FMNL2: variants seen among roughly 807,000 people sequenced by gnomAD.
FMNL2 encodes formin-like protein 2.
In FMNL2, 51 loss-of-function variants were observed where a neutral mutation model predicts 130.2. That is an observed-to-expected ratio of 0.39 (90% CI 0.31 to 0.49). The LOEUF (loss-of-function observed/expected upper bound fraction) is 0.49. Ranked by LOEUF, FMNL2 falls within the 20% of genes least tolerant of loss-of-function variation. The pLI is 0.85. For missense variants in FMNL2, 977 were observed against 1,316.2 expected (o/e 0.74, Z 3.99); for synonymous variants, 465 against 467.1 (o/e 1.00, Z 0.06).
chr2:152,382,455 G>A (rs1296925528), intron 1 of FMNL2, among the ~76,000 whole-genome samples: 1 of 152,168 alleles, frequency 6.6e-6, no homozygotes, highest in Non-Finnish European at 1.5e-5. Flanking sequence ...CTAATTTTCA[G>A]TGCTTCCTGG....
At chr2:152,344,497 A>C (rs1435669105) in intron 1 of FMNL2, among the ~76,000 whole-genome samples, 3 of 152,214 alleles carry the variant, frequency 2.0e-5, no homozygotes, top group Non-Finnish European at 4.4e-5. Context: ...TATTTGATTC[A>C]ACTAAAAGCA....
intron 2 of FMNL2, among the ~76,000 whole-genome samples, chr2:152,531,567 C>A (rs1217237624): frequency 6.6e-6 from 1 of 152,012 alleles, no homozygotes; most frequent in Non-Finnish European, 1.5e-5. Flanking sequence ...CTCCCCCTCC[C>A]AGGTTCAAGT....
At chr2:152,552,222 A>G (rs142802602) in intron 4 of FMNL2, among the ~76,000 whole-genome samples, 34 of 152,340 alleles carry the variant, frequency 2.2e-4, no homozygotes, top group African/African-American at 7.7e-4. Flanking sequence ...TAGTTACTCA[A>G]TATATGATAG....
intron 2 of FMNL2, among the ~76,000 whole-genome samples, chr2:152,531,809 G>A (rs573989566): frequency 2.0e-5 from 3 of 152,288 alleles, no homozygotes; most frequent in South Asian, 2.1e-4. Flanking sequence ...ACTGGAGCCT[G>A]GGTTTAAGAT....
chr2:152,354,102 G>C (rs1682659351), intron 1 of FMNL2, among the ~76,000 whole-genome samples: 3 of 152,088 alleles, frequency 2.0e-5, no homozygotes, highest in African/African-American at 7.2e-5. Flanking sequence ...CAGGGCATTG[G>C]GCTATTCCAT....
intron 1 of FMNL2, among the ~76,000 whole-genome samples, chr2:152,365,529 T>C (rs1324551093): frequency 6.6e-6 from 1 of 152,092 alleles, no homozygotes; most frequent in African/African-American, 2.4e-5. Flanking sequence ...CCTAGCACTT[T>C]TGGAGGCTGA....
intron 21 of FMNL2, 69 bp downstream of exon 21, chr2:152,632,206 C>T: frequency 1.3e-6 from 2 of 1,550,852 alleles, no homozygotes; most frequent in Non-Finnish European, 1.7e-6. Context: ...GAGCCATTCC[C>T]TGCTTAAACA....
At chr2:152,550,032 A>C (rs1579939700) in intron 4 of FMNL2, among the ~76,000 whole-genome samples, 1 of 152,212 alleles carries the variant, frequency 6.6e-6, no homozygotes, top group African/African-American at 2.4e-5. Context: ...ACATACAGTA[A>C]GTTCTGTCTC....
chr2:152,335,787 C>A, intron 1 of FMNL2, 67 bp downstream of exon 1: 1 of 1,150,002 alleles, frequency 8.7e-7, no homozygotes, highest in Non-Finnish European at 1.2e-6. Flanking sequence ...AGCTGACCCC[C>A]GCCCCTCCCC....
chr2:152,488,071 C>T (rs1327712393), intron 1 of FMNL2, among the ~76,000 whole-genome samples: 6 of 152,290 alleles, frequency 3.9e-5, no homozygotes, highest in East Asian at 3.9e-4. Context: ...TGAGCCACAA[C>T]GCCTGGCTAG....
intron 4 of FMNL2, among the ~76,000 whole-genome samples, chr2:152,557,085 T>A (rs1295101952): frequency 6.6e-6 from 1 of 152,086 alleles, no homozygotes; most frequent in Non-Finnish European, 1.5e-5. Flanking sequence ...AAAGAAAAAA[T>A]TCTTTTTACT....
intron 9 of FMNL2, among the ~76,000 whole-genome samples, chr2:152,599,437 T>TTTTC (rs1553484499): frequency 7.6e-6 from 1 of 132,246 alleles, no homozygotes; most frequent in Non-Finnish European, 1.6e-5. Context: ...TTTTTTTTTT[T>TTTTC]AGAGAGGTAG....
At chr2:152,601,072 AC>A (rs1341538865) in intron 9 of FMNL2, among the ~76,000 whole-genome samples, 1 of 152,064 alleles carries the variant, frequency 6.6e-6, no homozygotes, top group Non-Finnish European at 1.5e-5. Context: ...TTGCAATGAA[AC>A]CTTTTTTTCC....
chr2:152,633,096 CTTCTT>C (rs1046047110), intron 21 of FMNL2, among the ~76,000 whole-genome samples: 2 of 151,072 alleles, frequency 1.3e-5, no homozygotes, highest in South Asian at 2.1e-4. Flanking sequence ...AATCTGTGCT[CTTCTT>C]TTTTTTTTTT....
chr2:152,610,441 C>A (rs1172030221), intron 10 of FMNL2, among the ~76,000 whole-genome samples: 1 of 152,174 alleles, frequency 6.6e-6, no homozygotes, highest in Non-Finnish European at 1.5e-5. Context: ...GTCCTGTACC[C>A]ATTGGCAGTC....
intron 14 of FMNL2, among the ~76,000 whole-genome samples, 157 bp downstream of exon 14, chr2:152,619,315 A>AG (rs1231581097): frequency 1.3e-5 from 2 of 152,154 alleles, no homozygotes; most frequent in Non-Finnish European, 2.9e-5. Flanking sequence ...TTTGAGATTA[A>AG]ATTTATAAAT....
At chr2:152,608,717 G>T (rs956049079) in intron 10 of FMNL2, among the ~76,000 whole-genome samples, 3 of 151,998 alleles carry the variant, frequency 2.0e-5, no homozygotes, top group African/African-American at 7.3e-5. Flanking sequence ...TTGGTGCCTT[G>T]TCTCATGATG....
intron 1 of FMNL2, among the ~76,000 whole-genome samples, chr2:152,516,753 G>T (rs6434081): frequency 2.0e-5 from 3 of 151,948 alleles, no homozygotes; most frequent in Non-Finnish European, 4.4e-5. Context: ...TACCACATAG[G>T]TCTATTTGGT....
At chr2:152,568,273 T>A (rs1310782027) in intron 6 of FMNL2, among the ~76,000 whole-genome samples, 2 of 137,634 alleles carry the variant, frequency 1.5e-5, no homozygotes, top group Admixed American at 1.6e-4. Context: ...TGGGATGTAG[T>A]GGCGTGATCT....
Sources: allele counts gnomAD v4.1 joint callset (sites outside exome capture counted in the v4.1 genomes callset), GRCh38; gene constraint gnomAD v4.1.1; transcripts MANE v1.5; gene names NCBI Gene and HGNC (gene_info 2026-07-23, HGNC 2026-07-21).